The following MAP3K13 variants were observed in gnomAD, a reference collection of about 807,000 sequenced individuals.
The protein encoded by MAP3K13 is mitogen-activated protein kinase kinase kinase 13, also known as leucine zipper-bearing kinase.
A neutral mutation model predicts 104.0 loss-of-function variants in MAP3K13; 52 were observed. The ratio of observed to expected loss-of-function variants is 0.50; its 90% CI spans 0.40 to 0.63. MAP3K13 has a LOEUF of 0.63. Among genes scored for constraint, MAP3K13 ranks in the 20% least tolerant of loss-of-function variants. The pLI is 0.00. For synonymous variants in MAP3K13, 394 were observed against 442.2 expected, an observed-to-expected ratio of 0.89 and a Z score of 1.37; for missense variants, 914 against 1,218.5, an observed-to-expected ratio of 0.75 and a Z score of 3.72.
chr3:185,418,154 T>C lies in MAP3K13; in HGVS notation c.-85-10343T>C, dbSNP rs1713899460. The C allele has an allele frequency of 1.2e-6, 2 of 1,609,454 alleles. No homozygotes were observed. The highest frequency in any genetic ancestry group is 1.7e-5 in the Admixed American group (1 of 60,004). On this transcript the variant is annotated intron_variant, in intron 1 of 13. Coordinates refer to ENST00000265026, the MANE Select transcript of MAP3K13 (RefSeq NM_004721.5). This position sits in a 1 kb window ranked among gnomAD's most constrained non-coding sequence, Gnocchi z 4.5. ...ATACCATTATCCTCATTATAGATGATGCACAGGCCCCTGCGCTGGATACGG... is the reference window on the plus strand; with the variant it reads ...ATACCATTATCCTCATTATAGATGACGCACAGGCCCCTGCGCTGGATACGG...
chr3:185,382,894 G>A (rs1027354257), intron 1 of MAP3K13, among the ~76,000 whole-genome samples: 5 of 151,920 alleles, frequency 3.3e-5, no homozygotes, highest in African/African-American at 1.2e-4. Context: ...AAGTTTTAGG[G>A]TACATGTGCT....
In MAP3K13 at chr3:185,302,575, A is replaced by G. The variant is rs149125436; in HGVS notation, c.-86+16932A>G. On this transcript the variant is annotated intron_variant, in intron 2 of 14. Transcript: ENST00000424227. Reference sequence around the variant, plus strand: ...TCCTTCTTTACATTTATTCCTAATTATTTTATTCTTTTTGATGCTATTATA... The same window carrying G: ...TCCTTCTTTACATTTATTCCTAATTGTTTTATTCTTTTTGATGCTATTATA... 6.0e-3 allele frequency among the ~76,000 whole-genome samples: 908 copies of G among 151,890 alleles called. 11 individuals are homozygous for G. The highest frequency in any genetic ancestry group is 0.021 in the African/African-American group (890 of 41,414).
intron 1 of MAP3K13, among the ~76,000 whole-genome samples, chr3:185,401,148 A>G (rs1195662751): frequency 6.6e-6 from 1 of 151,882 alleles, no homozygotes; most frequent in Non-Finnish European, 1.5e-5. Context: ...AAATAATATC[A>G]CCATTTTCTT....
intron 2 of MAP3K13, among the ~76,000 whole-genome samples, chr3:185,317,724 A>G (rs541530329): frequency 6.6e-6 from 1 of 152,322 alleles, no homozygotes; most frequent in African/African-American, 2.4e-5. Flanking sequence ...AATGTCAAAT[A>G]TATTTATACT....
chr3:185,378,599 G>A (rs947387440), intron 1 of MAP3K13, among the ~76,000 whole-genome samples: 5 of 152,022 alleles, frequency 3.3e-5, no homozygotes, highest in East Asian at 3.9e-4. Flanking sequence ...TTGGCCTGGC[G>A]AGGAGCAGCC....
At chr3:185,305,812 G>C (rs1721272013) in intron 2 of MAP3K13, among the ~76,000 whole-genome samples, 1 of 152,122 alleles carries the variant, frequency 6.6e-6, no homozygotes, top group Admixed American at 6.5e-5. Flanking sequence ...TATATGTGCA[G>C]GTTTGTTACA....
chr3:185,375,446 T>C (rs1724378753), intron 1 of MAP3K13, among the ~76,000 whole-genome samples: 1 of 152,044 alleles, frequency 6.6e-6, no homozygotes. Context: ...AAATGAGAGG[T>C]TCTAAGAGGC....
intron 5 of MAP3K13, among the ~76,000 whole-genome samples, 154 bp from the exon 6 acceptor site, chr3:185,449,746 T>C (rs1447150154): frequency 1.4e-5 from 2 of 143,512 alleles, no homozygotes; most frequent in Non-Finnish European, 3.1e-5. Context: ...TTTTTTTTTT[T>C]CAGAGTTGTC....
chr3:185,485,282 C>T lies in MAP3K13; in HGVS notation c.*2826C>T, dbSNP rs563632864. 6.6e-5 allele frequency: 10 copies of T among 152,326 alleles called. No individual in the cohort carries two copies. Among genetic ancestry groups the T allele is most frequent in the African/African-American group, 2.4e-4 (10 of 41,570 alleles). 9.4% of individuals were successfully genotyped at this position (152,326 alleles called of 1,614,324 possible). A position where few individuals can be genotyped will look rare whatever the true frequency, so the allele number is the denominator to read the frequency against. ...AGTTTGCAATCTCCTTCCTGCCAGA[C>T]CCCTTTGTTCTCCCACCTTTATTCT... is the stretch of plus-strand genomic sequence containing the variant. On this transcript the variant is annotated 3_prime_UTR_variant, in exon 14 of 14. Transcript: ENST00000265026.
chr3:185,455,235 G>GATATATATATGATATATATGAT (rs1716422696), intron 7 of MAP3K13, among the ~76,000 whole-genome samples: 3 of 70,168 alleles, frequency 4.3e-5, no homozygotes, highest in Non-Finnish European at 5.7e-5. Flanking sequence ...ATATATATGA[G>GATATATATATGATATATATGAT]ATATATATAT....
At chr3:185,327,222 A>G (rs1722070223) in intron 2 of MAP3K13, among the ~76,000 whole-genome samples, 1 of 152,144 alleles carries the variant, frequency 6.6e-6, no homozygotes, top group Non-Finnish European at 1.5e-5. Context: ...AAGTCCTCCT[A>G]TCACATCTCC....
chr3:185,368,326 G>C (rs1336227770), intron 1 of MAP3K13, among the ~76,000 whole-genome samples: 1 of 152,116 alleles, frequency 6.6e-6, no homozygotes, highest in Non-Finnish European at 1.5e-5. Flanking sequence ...TCCTAGTTCT[G>C]TTCTCTTTCT....
Position 185,466,925 on chromosome 3 carries a change from G to T in MAP3K13, c.1605G>T (p.Arg535Ser). Reference protein sequence around the residue: ...HPNAMEKLMKRKGVPHKSGMQ... With the variant: ...HPNAMEKLMKSKGVPHKSGMQ... ...ATGCCATGGAGAAACTCATGAAAAG[G>T]AAAGGAGTGCCTCACAAATCTGGGA... The change falls in exon 10 of 14, where the codon AGG becomes AGT. Residue 535 changes from arginine to serine, a missense_variant. Physicochemically the swap from Arg to Ser is moderately radical, Grantham distance 110. Coordinates refer to ENST00000265026, the MANE Select transcript of MAP3K13 (RefSeq NM_004721.5). 5 of 1,613,952 alleles carry T rather than the reference G, an allele frequency of 3.1e-6. No individual in the cohort carries two copies. Among genetic ancestry groups the T allele is most frequent in the Non-Finnish European group, 4.2e-6 (5 of 1,179,862 alleles).
At chr3:185,358,249 A>T (rs1439657745), upstream of MAP3K13, among the ~76,000 whole-genome samples, 4 of 152,294 alleles carry the variant, frequency 2.6e-5, no homozygotes, top group East Asian at 7.7e-4. Flanking sequence ...GAAAAAATGA[A>T]AATTCAGTGG....
intron 2 of MAP3K13, among the ~76,000 whole-genome samples, chr3:185,303,348 T>C (rs1721173322): frequency 6.6e-6 from 1 of 152,172 alleles, no homozygotes; most frequent in African/African-American, 2.4e-5. Flanking sequence ...AGTTTGGAAG[T>C]GTTTTATCCT....
At position 185,314,075 on chromosome 3, in the gene MAP3K13, G is replaced by A. The variant is rs538751039; in HGVS notation, c.-86+28432G>A. 2.6e-5 allele frequency among the ~76,000 whole-genome samples: 4 copies of A among 152,310 alleles called. No individual in the cohort carries two copies. In the South Asian group the frequency reaches 6.2e-4, roughly 24 times the overall value. ...ACTGCAGTTTGCCCCTCCTCTGCAC[G>A]CTGTGCACTTCTGTTGCTGTATTAC... On this transcript the variant is annotated intron_variant, in intron 2 of 14. Coordinates refer to the MAP3K13 transcript ENST00000424227.
intron 2 of MAP3K13, among the ~76,000 whole-genome samples, chr3:185,350,570 T>A (rs1404405888): frequency 6.6e-6 from 1 of 152,208 alleles, no homozygotes; most frequent in Non-Finnish European, 1.5e-5. Flanking sequence ...TTCTTGTTTG[T>A]TCATCCTTGT....
At chr3:185,474,109 G>A (rs1374906146) in intron 11 of MAP3K13, among the ~76,000 whole-genome samples, 1 of 152,108 alleles carries the variant, frequency 6.6e-6, no homozygotes, top group Non-Finnish European at 1.5e-5. Flanking sequence ...GATCACTTGA[G>A]GTCAAGAGTT....
chr3:185,461,544 T>C (rs1032642548), intron 7 of MAP3K13, among the ~76,000 whole-genome samples: 1 of 152,074 alleles, frequency 6.6e-6, no homozygotes, highest in African/African-American at 2.4e-5. Flanking sequence ...AGAGCTACTG[T>C]CTTTTATTTT....
Sources: gnomAD v4.1 joint callset for allele counts (sites outside exome capture counted in the v4.1 genomes callset) on GRCh38, gnomAD v4.1.1 for gene constraint, Gnocchi (gnomAD v3.1) non-coding constraint, MANE v1.5 for transcripts, NCBI Gene and HGNC (gene_info 2026-07-23, HGNC 2026-07-21) for gene names.